The following SH3GL3 variants were observed in gnomAD, a reference collection of about 807,000 sequenced individuals.
SH3GL3 encodes the protein endophilin-A3.
SH3GL3 carries 33 observed loss-of-function variants against 47.7 expected under a neutral mutation model. The observed-to-expected ratio is 0.69, with a 90% CI of 0.52 to 0.92. The LOEUF (loss-of-function observed/expected upper bound fraction) is 0.92. Among genes scored for constraint, SH3GL3 ranks in the 40% least tolerant of loss-of-function variants. SH3GL3 has a pLI of 0.00. For missense variants in SH3GL3, 363 were observed against 417.8 expected (o/e 0.87, Z 1.14); for synonymous variants, 155 against 148.8 (o/e 1.04, Z -0.30).
At chr15:83,564,514 G>A (rs2045442302) in intron 2 of SH3GL3, among the ~76,000 whole-genome samples, 2 of 152,038 alleles carry the variant, frequency 1.3e-5, no homozygotes, top group African/African-American at 4.8e-5. Context: ...TAACTCTCTG[G>A]TTAACTAACA....
chr15:83,500,060 T>C (rs1404119094), intron 1 of SH3GL3, among the ~76,000 whole-genome samples: 1 of 152,168 alleles, frequency 6.6e-6, no homozygotes, highest in Non-Finnish European at 1.5e-5. Context: ...TATTTGATGA[T>C]AATGAGGGGC....
Position 83,462,734 on chromosome 15 carries a change from GTC to G in SH3GL3, c.45+15158_45+15159del, listed in dbSNP as rs1265943983. Among the ~76,000 whole-genome samples, 19 of 152,328 alleles carry G rather than the reference GTC, an allele frequency of 1.2e-4. No homozygotes were observed. The East Asian group carries it at 3.7e-3, about 29-fold the overall frequency. On this transcript the variant is annotated intron_variant, in intron 1 of 8. Transcript: ENST00000427482. ...TCTAATAGAGTAATGTTTGTCTAGT[GTC>G]TTAAAATGATAGCCAACATCAATGG...
chr15:83,583,452 G>T (rs1434826511), intron 6 of SH3GL3, among the ~76,000 whole-genome samples: 3 of 152,170 alleles, frequency 2.0e-5, no homozygotes, highest in Non-Finnish European at 2.9e-5. Context: ...TTCTTCCTTT[G>T]GGTACAGCCT....
chr15:83,512,644 G>T (rs561420172), intron 1 of SH3GL3, among the ~76,000 whole-genome samples: 6 of 152,084 alleles, frequency 3.9e-5, no homozygotes, highest in African/African-American at 1.4e-4. Context: ...CAGCATCATC[G>T]CTCCCTAACC....
chr15:83,503,253 A>G (rs1416304824), intron 1 of SH3GL3, among the ~76,000 whole-genome samples: 4 of 152,154 alleles, frequency 2.6e-5, no homozygotes, highest in Non-Finnish European at 5.9e-5. Flanking sequence ...TTAATATTGG[A>G]TATATACCCA....
chr15:83,467,059 A>G (rs2040601261), intron 1 of SH3GL3, among the ~76,000 whole-genome samples: 1 of 152,212 alleles, frequency 6.6e-6, no homozygotes, highest in African/African-American at 2.4e-5. Flanking sequence ...GATGAAGTCC[A>G]ATTTAAGAAT....
chr15:83,508,003 G>T (rs1312616065), intron 1 of SH3GL3, among the ~76,000 whole-genome samples: 1 of 151,208 alleles, frequency 6.6e-6, no homozygotes, highest in African/African-American at 2.4e-5. Context: ...GTGCAGTGGT[G>T]CGATCTTGGC....
chr15:83,627,192 CAG>C, the SH3GL3 span, among the ~76,000 whole-genome samples: 2 of 151,950 alleles, frequency 1.3e-5, no homozygotes, highest in African/African-American at 2.4e-5. Context: ...GGTCAGCAGA[CAG>C]AGACCATCCT....
intron 8 of SH3GL3, among the ~76,000 whole-genome samples, chr15:83,590,393 A>C (rs1262754973): frequency 6.6e-6 from 1 of 152,144 alleles, no homozygotes; most frequent in African/African-American, 2.4e-5. Context: ...CCTATCCCTG[A>C]AGTTATTCTT....
At chr15:83,587,918 A>C (rs927415698) in intron 7 of SH3GL3, among the ~76,000 whole-genome samples, 3 of 152,142 alleles carry the variant, frequency 2.0e-5, no homozygotes, top group African/African-American at 7.2e-5. Context: ...GAAGACAAAG[A>C]TGTGTTCAGT....
At position 83,496,029 on chromosome 15, in the gene SH3GL3, G is replaced by A. The variant is rs139264154; in HGVS notation, c.45+48451G>A. On this transcript the variant is annotated intron_variant, in intron 1 of 8. Transcript: ENST00000427482. ...CAAAGAAACACGTATATGGATTTGCGTCTTCCATTTGCCTTGAATTAAATT... is the reference window on the plus strand; with the variant it reads ...CAAAGAAACACGTATATGGATTTGCATCTTCCATTTGCCTTGAATTAAATT... Among the ~76,000 whole-genome samples, 611 of 151,992 alleles carry A rather than the reference G, an allele frequency of 4.0e-3. 3 individuals carry two copies. The highest frequency in any genetic ancestry group is 0.014 in the African/African-American group (574 of 41,484).
At chr15:83,569,314 A>G (rs752095879) in intron 4 of SH3GL3, among the ~76,000 whole-genome samples, 1 of 152,210 alleles carries the variant, frequency 6.6e-6, no homozygotes, top group Non-Finnish European at 1.5e-5. Context: ...AATGATCCAT[A>G]TCGTAAAATA....
chr15:83,578,358 T>C (rs2059741443), intron 6 of SH3GL3, among the ~76,000 whole-genome samples: 1 of 152,286 alleles, frequency 6.6e-6, no homozygotes, highest in Admixed American at 6.5e-5. Flanking sequence ...TGGGACCTAA[T>C]TGTTAAGTTT....
At chr15:83,570,720 T>C (rs535078410) in intron 4 of SH3GL3, among the ~76,000 whole-genome samples, 18 of 152,264 alleles carry the variant, frequency 1.2e-4, no homozygotes, top group African/African-American at 4.3e-4. Context: ...GGAGGAAATA[T>C]CTTTTGAAAA....
At chr15:83,562,886 A>G (rs904263782) in intron 2 of SH3GL3, among the ~76,000 whole-genome samples, 3 of 152,210 alleles carry the variant, frequency 2.0e-5, no homozygotes, top group African/African-American at 7.2e-5. Flanking sequence ...TACCAAAGAG[A>G]GCTCAAAGTC....
At chr15:83,464,108 T>C (rs1022092696) in intron 1 of SH3GL3, among the ~76,000 whole-genome samples, 2 of 152,152 alleles carry the variant, frequency 1.3e-5, no homozygotes, top group Non-Finnish European at 2.9e-5. Flanking sequence ...AAATTGGCTT[T>C]CTTTTCTTGT....
In SH3GL3 at chr15:83,610,427, G is replaced by C. The variant is rs75594831; in HGVS notation, c.839-7655G>C. ...TGGTGCCTGTAGTCCCAGGTACTCA[G>C]GAGGCTAAGGTGGAAGGATTGCTTG... On this transcript the variant is annotated intron_variant, in intron 8 of 8. Coordinates refer to ENST00000427482, the MANE Select transcript of SH3GL3 (RefSeq NM_003027.5). Among the ~76,000 whole-genome samples the C allele has an allele frequency of 3.5e-3, 539 of 152,316 alleles. 6 individuals are homozygous for C. Among genetic ancestry groups the C allele is most frequent in the African/African-American group, 0.012 (510 of 41,584 alleles).
At chr15:83,571,110 AC>A (rs1208366110) in intron 4 of SH3GL3, among the ~76,000 whole-genome samples, 8 of 152,286 alleles carry the variant, frequency 5.3e-5, no homozygotes, top group African/African-American at 1.9e-4. Flanking sequence ...GGGGCCACAT[AC>A]TGGGACCTCC....
Position 83,559,238 on chromosome 15 carries a change from T to C in SH3GL3, c.46-15T>C. On this transcript the variant is annotated splice_polypyrimidine_tract_variant and intron_variant, in intron 1 of 8. Transcript: ENST00000427482. ...AATCATTGTACAATGCAATTATTTA[T>C]GTTTATTTCTGCAGCTATTTAGTGA... 1.4e-6 allele frequency: 2 copies of C among 1,404,292 alleles called. No homozygotes were observed. The highest frequency in any genetic ancestry group is 2.0e-6 in the Non-Finnish European group (2 of 988,932). The allele number at this position is 1,404,292 out of a possible 1,614,324, so 87.0% of individuals were successfully genotyped here.
Sources: gnomAD v4.1 joint callset for allele counts (sites outside exome capture counted in the v4.1 genomes callset) on GRCh38, gnomAD v4.1.1 for gene constraint, MANE v1.5 for transcripts, NCBI Gene and HGNC (gene_info 2026-07-23, HGNC 2026-07-21) for gene names.